The following HNRNPC variants were observed in gnomAD, a reference collection of about 807,000 sequenced individuals.
HNRNPC encodes heterogeneous nuclear ribonucleoprotein C, also known as heterogeneous nuclear ribonucleoproteins C1/C2.
Under a neutral mutation model 33.2 loss-of-function variants are expected in HNRNPC, and 3 were observed. The ratio of observed to expected loss-of-function variants is 0.09; its 90% CI spans 0.04 to 0.23. The LOEUF is 0.23. Among genes scored for constraint, HNRNPC ranks in the 10% least tolerant of loss-of-function variants. HNRNPC has a pLI of 1.00. For missense variants in HNRNPC, 143 were observed against 366.7 expected (o/e 0.39, Z 4.98); for synonymous variants, 121 against 126.7 (o/e 0.96, Z 0.30).
chr14:21,242,096 T>G (rs1209005482), intron 2 of HNRNPC, among the ~76,000 whole-genome samples: 1 of 151,970 alleles, frequency 6.6e-6, no homozygotes, highest in Non-Finnish European at 1.5e-5. Context: ...AAAACCCAAA[T>G]GAAATAAAAC....
intron 5 of HNRNPC, among the ~76,000 whole-genome samples, chr14:21,224,720 C>G (rs551194781): frequency 6.6e-6 from 1 of 152,274 alleles, no homozygotes; most frequent in East Asian, 1.9e-4. Context: ...AAGCCCTTTA[C>G]AACTAACATT....
chr14:21,233,543 T>C (rs943343032), intron 3 of HNRNPC, among the ~76,000 whole-genome samples: 12 of 152,188 alleles, frequency 7.9e-5, no homozygotes, highest in Non-Finnish European at 1.6e-4. Context: ...TGTCATTACA[T>C]TTTAAAATAC....
At chr14:21,247,997 G>GA (rs142900559) in intron 2 of HNRNPC, among the ~76,000 whole-genome samples, 65 of 144,076 alleles carry the variant, frequency 4.5e-4, no homozygotes, top group African/African-American at 8.5e-4. Context: ...TCATAAAAAA[G>GA]AAAAAAAAAA....
chr14:21,230,607 G>A, intron 4 of HNRNPC: 1 of 531,204 alleles, frequency 1.9e-6, no homozygotes, highest in Non-Finnish European at 3.4e-6. Flanking sequence ...ATACGACATA[G>A]CTAAACTAAA....
chr14:21,257,431 C>A (rs1398844420), intron 2 of HNRNPC, among the ~76,000 whole-genome samples: 3 of 151,596 alleles, frequency 2.0e-5, no homozygotes, highest in Non-Finnish European at 2.9e-5. Context: ...TAAATGGAAC[C>A]AACAGGTCAA....
At chr14:21,266,868 A>C (rs1879071162) in intron 1 of HNRNPC, among the ~76,000 whole-genome samples, 1 of 151,590 alleles carries the variant, frequency 6.6e-6, no homozygotes, top group Non-Finnish European at 1.5e-5. Context: ...AGGCAGGAGG[A>C]CTCCCTGAGC....
intron 1 of HNRNPC, chr14:21,264,584 T>TAAAATAATTTCCATGACAA (rs1878677774): frequency 6.6e-6 from 1 of 152,248 alleles, no homozygotes; most frequent in Non-Finnish European, 1.5e-5. Flanking sequence ...AATACCACAC[T>TAAAATAATTTCCATGACAA]AAAATAATTT....
At chr14:21,238,066 C>A (rs1894919315) in intron 2 of HNRNPC, among the ~76,000 whole-genome samples, 1 of 152,178 alleles carries the variant, frequency 6.6e-6, no homozygotes, top group African/African-American at 2.4e-5. Flanking sequence ...CCACTGCACT[C>A]GGCCCTGATC....
chr14:21,223,611 T>C (rs1017188091), intron 5 of HNRNPC, among the ~76,000 whole-genome samples: 2 of 151,734 alleles, frequency 1.3e-5, no homozygotes, highest in African/African-American at 4.9e-5. Context: ...TAGCCAGACA[T>C]GGTGGCATGT....
intron 5 of HNRNPC, among the ~76,000 whole-genome samples, chr14:21,223,162 C>T (rs1258921417): frequency 6.6e-6 from 1 of 152,024 alleles, no homozygotes; most frequent in Non-Finnish European, 1.5e-5. Context: ...GCCAAGATCT[C>T]GCCATTGCAA....
At chr14:21,225,932 T>C (rs1014948077) in intron 5 of HNRNPC, among the ~76,000 whole-genome samples, 1 of 152,146 alleles carries the variant, frequency 6.6e-6, no homozygotes, top group Non-Finnish European at 1.5e-5. Flanking sequence ...GATATAGTTT[T>C]AGTATGAAAA....
Position 21,254,856 on chromosome 14 carries a change from A to C in HNRNPC, c.-37+8455T>G, listed in dbSNP as rs112405297. The stretch of plus-strand genomic sequence containing the variant: ...GGGAGGCGGAGGTTGCGGTAGGCGG[A>C]GGTTGCGGTGAGCCAAGATCGTGCC... On this transcript the variant is annotated intron_variant, in intron 2 of 8. Coordinates refer to ENST00000553300, the MANE Select transcript of HNRNPC (RefSeq NM_004500.4). Among the ~76,000 whole-genome samples the C allele has an allele frequency of 6.8e-3, 1,017 of 150,288 alleles. 16 individuals carry two copies. The highest frequency in any genetic ancestry group is 0.023 in the African/African-American group (918 of 40,784).
chr14:21,219,546 A>G (rs1448679157), intron 5 of HNRNPC, among the ~76,000 whole-genome samples: 1 of 152,230 alleles, frequency 6.6e-6, no homozygotes, highest in African/African-American at 2.4e-5. Context: ...TAGTGACATG[A>G]AAGACCTTGT....
At chr14:21,250,987 C>T (rs997569936) in intron 2 of HNRNPC, among the ~76,000 whole-genome samples, 2 of 152,216 alleles carry the variant, frequency 1.3e-5, no homozygotes, top group Admixed American at 6.5e-5. Flanking sequence ...TCCGGCCGGG[C>T]GCGGTGGCTC....
intron 2 of HNRNPC, among the ~76,000 whole-genome samples, chr14:21,251,260 C>CAAAAAAAAA (rs71419116): frequency 1.3e-3 from 62 of 49,482 alleles, no homozygotes; most frequent in African/African-American, 4.8e-3. Context: ...GACTCCCTCT[C>CAAAAAAAAA]AAAAAAAAAA....
At chr14:21,218,704 A>AAAAAC (rs1566599283) in intron 5 of HNRNPC, among the ~76,000 whole-genome samples, 11 of 136,792 alleles carry the variant, frequency 8.0e-5, no homozygotes, top group African/African-American at 2.8e-4. Context: ...AAAAAAAAAA[A>AAAAAC]AAAACTGAAA....
chr14:21,227,995 AAAG>A (rs1294765472), intron 5 of HNRNPC, among the ~76,000 whole-genome samples: 1 of 152,244 alleles, frequency 6.6e-6, no homozygotes, highest in East Asian at 1.9e-4. Flanking sequence ...TGACTGGACA[AAAG>A]AACACATAGA....
At chr14:21,224,084 A>G (rs1279954102) in intron 5 of HNRNPC, among the ~76,000 whole-genome samples, 1 of 152,152 alleles carries the variant, frequency 6.6e-6, no homozygotes, top group Admixed American at 6.5e-5. Flanking sequence ...CTCCCTTCAT[A>G]CATATATATA....
At chr14:21,250,862 T>C (rs1896572237) in intron 2 of HNRNPC, among the ~76,000 whole-genome samples, 1 of 152,170 alleles carries the variant, frequency 6.6e-6, no homozygotes, top group Non-Finnish European at 1.5e-5. Context: ...TCGGTACCAC[T>C]GGGGTAGGGT....
Sources: allele counts gnomAD v4.1 joint callset (sites outside exome capture counted in the v4.1 genomes callset), GRCh38; gene constraint gnomAD v4.1.1; transcripts MANE v1.5; gene names NCBI Gene and HGNC (gene_info 2026-07-23, HGNC 2026-07-21).